NRG2: variants seen among roughly 807,000 people sequenced by gnomAD.
NRG2 encodes the protein neuregulin 2.
In NRG2, 27 loss-of-function variants were observed where a neutral mutation model predicts 73.9. The observed-to-expected ratio is 0.37, with a 90% CI of 0.27 to 0.50. The LOEUF is 0.50. NRG2 is among the 20% of genes least tolerant of loss of function. The pLI is 0.96. For synonymous variants in NRG2, 532 were observed against 541.0 expected (o/e 0.98, Z 0.23); for missense variants, 1,126 against 1,210.1 (o/e 0.93, Z 1.03).
intron 1 of NRG2, among the ~76,000 whole-genome samples, chr5:140,007,265 A>T (rs1758982476): frequency 6.6e-6 from 1 of 152,154 alleles, no homozygotes; most frequent in Non-Finnish European, 1.5e-5. Context: ...TCAAAGATAC[A>T]GGAACCTCCA....
chr5:139,866,415 T>G (rs1305829713), intron 4 of NRG2, among the ~76,000 whole-genome samples: 1 of 152,200 alleles, frequency 6.6e-6, no homozygotes, highest in Non-Finnish European at 1.5e-5. Context: ...TGGTTTGGAA[T>G]AGGCTGCCCC....
At chr5:139,936,708 G>T (rs1317148227) in intron 1 of NRG2, among the ~76,000 whole-genome samples, 1 of 152,040 alleles carries the variant, frequency 6.6e-6, no homozygotes, top group African/African-American at 2.4e-5. Context: ...TATAAGAAAA[G>T]AAAACTATAT....
At chr5:139,859,396 T>C (rs1242539096) in intron 5 of NRG2, among the ~76,000 whole-genome samples, 1 of 152,154 alleles carries the variant, frequency 6.6e-6, no homozygotes, top group Non-Finnish European at 1.5e-5. Context: ...GCTGGCCTGG[T>C]GCAGGATGAA....
chr5:139,876,637 A>G (rs57742781), intron 3 of NRG2, among the ~76,000 whole-genome samples: 36,893 of 151,820 alleles, frequency 0.24, 5,487 homozygotes, highest in African/African-American at 0.42. Flanking sequence ...TGCGTCCCCG[A>G]CTGCCCACAA....
chr5:140,009,986 T>C (rs1421703622), intron 1 of NRG2, among the ~76,000 whole-genome samples: 1 of 152,082 alleles, frequency 6.6e-6, no homozygotes, highest in East Asian at 1.9e-4. Context: ...GCATAGAGGA[T>C]TTTTAGAGCA....
At chr5:139,881,684 A>T (rs1001094429) in intron 2 of NRG2, among the ~76,000 whole-genome samples, 1 of 152,208 alleles carries the variant, frequency 6.6e-6, no homozygotes, top group Non-Finnish European at 1.5e-5. Context: ...TCCTAGAGGG[A>T]CTTCCTGACT....
intron 1 of NRG2, among the ~76,000 whole-genome samples, chr5:139,905,795 G>A (rs925454509): frequency 2.6e-5 from 4 of 152,096 alleles, no homozygotes; most frequent in African/African-American, 7.2e-5. Flanking sequence ...GCAGCAAGGG[G>A]CCCTGGGCAG....
chr5:139,983,168 C>T (rs989414029), intron 1 of NRG2, among the ~76,000 whole-genome samples: 1 of 152,210 alleles, frequency 6.6e-6, no homozygotes, highest in African/African-American at 2.4e-5. Flanking sequence ...GAGCAGATGG[C>T]TCAGAGGGAC....
In NRG2 at chr5:139,848,456, G is replaced by A. The variant is rs1202082083; in HGVS notation, c.2014C>T (p.Arg672Cys). The A allele has an allele frequency of 9.0e-6, 12 of 1,334,090 alleles. No homozygotes were observed. In the African/African-American group the frequency reaches 1.9e-4, roughly 21 times the overall value. 82.6% of individuals were successfully genotyped at this position (1,334,090 alleles called of 1,614,324 possible). ...PGPGPGADMQ[R>C]SYDSYYYPAA... Reference sequence around the variant, plus strand: ...GGGTAATAGTAGCTGTCATAGCTGCGCTGCATGTCTGCGCCGGGCCCGGGC... The same window carrying A: ...GGGTAATAGTAGCTGTCATAGCTGCACTGCATGTCTGCGCCGGGCCCGGGC... The change falls in exon 10 of 10, where the codon CGC (arginine) becomes TGC (cysteine). Residue 672 changes from arginine to cysteine, a missense_variant. By Grantham distance (180) the Arg-to-Cys change is radical. This residue lies in a region of NRG2 where 402 missense variants were observed against 357.8 expected (regional missense o/e 1.12). Transcript: ENST00000361474.
chr5:139,941,935 G>A (rs1039670680), intron 1 of NRG2, among the ~76,000 whole-genome samples: 21 of 152,184 alleles, frequency 1.4e-4, no homozygotes, highest in Middle Eastern at 6.8e-3. Context: ...TTATTTTACC[G>A]CCATATAAAT....
intron 1 of NRG2, among the ~76,000 whole-genome samples, chr5:140,016,208 G>A (rs1759766719): frequency 6.6e-6 from 1 of 152,186 alleles, no homozygotes; most frequent in South Asian, 2.1e-4. Flanking sequence ...TGGTGCAGGA[G>A]AGCTTGTGTG....
rs919204050 is a variant in NRG2, at chr5:139,894,164, G to A, written c.701-6653C>T. Among the ~76,000 whole-genome samples, 1 of 152,204 alleles carries A rather than the reference G, an allele frequency of 6.6e-6. No homozygotes were observed. Among genetic ancestry groups the A allele is most frequent in the African/African-American group, 2.4e-5 (1 of 41,456 alleles). ...GAGCAAGACAGACGCTCAGGACATG[G>A]CTGGGCAACCCAGCCAGGGAGGACC... On this transcript the variant is annotated intron_variant, in intron 1 of 9. Transcript: ENST00000361474. The surrounding 1 kb of genome is among the most constrained non-coding windows in gnomAD (Gnocchi z 5.0).
chr5:139,984,714 CA>C (rs1395960289), intron 1 of NRG2, among the ~76,000 whole-genome samples: 1 of 152,144 alleles, frequency 6.6e-6, no homozygotes, highest in Non-Finnish European at 1.5e-5. Context: ...GTATTTAGGT[CA>C]GGGGAAGTTA....
At chr5:140,014,036 A>G (rs1387430845) in intron 1 of NRG2, among the ~76,000 whole-genome samples, 1 of 151,862 alleles carries the variant, frequency 6.6e-6, no homozygotes, top group African/African-American at 2.4e-5. Context: ...GATCTCAACT[A>G]CTTTCATAGC....
chr5:139,966,302 T>A (rs1343121748), intron 1 of NRG2, among the ~76,000 whole-genome samples: 1 of 152,202 alleles, frequency 6.6e-6, no homozygotes, highest in Non-Finnish European at 1.5e-5. Flanking sequence ...TGTACAAGTC[T>A]AATCTGAGCA....
chr5:139,985,900 A>C (rs1269367689), intron 1 of NRG2, among the ~76,000 whole-genome samples: 1 of 152,080 alleles, frequency 6.6e-6, no homozygotes, highest in African/African-American at 2.4e-5. Context: ...AGGAGAGGGG[A>C]AGTGACTTTC....
chr5:139,909,414 C>T (rs1561673162), intron 1 of NRG2, among the ~76,000 whole-genome samples: 1 of 152,184 alleles, frequency 6.6e-6, no homozygotes, highest in Non-Finnish European at 1.5e-5. Flanking sequence ...CTGAAGTTTT[C>T]CCACTCCCCT....
At chr5:139,879,680 C>T (rs1193496402) in intron 3 of NRG2, among the ~76,000 whole-genome samples, 6 of 152,160 alleles carry the variant, frequency 3.9e-5, no homozygotes, top group Admixed American at 3.3e-4. Flanking sequence ...GATAAAAGCA[C>T]CTTAGGAGGC....
chr5:139,899,673 G>C (rs1032808435), intron 1 of NRG2, among the ~76,000 whole-genome samples: 2 of 152,132 alleles, frequency 1.3e-5, no homozygotes, highest in Non-Finnish European at 2.9e-5. Flanking sequence ...GCAGGGACTC[G>C]ACCCACTTAT....
Sources: gnomAD v4.1 joint callset for allele counts (sites outside exome capture counted in the v4.1 genomes callset) on GRCh38, gnomAD v4.1.1 for gene constraint, gnomAD v4.1.1 regional missense constraint, Gnocchi (gnomAD v3.1) non-coding constraint, MANE v1.5 for transcripts, NCBI Gene and HGNC (gene_info 2026-07-23, HGNC 2026-07-21) for gene names.